The following HTR2A variants were observed in gnomAD, a reference collection of about 807,000 sequenced individuals.
The protein encoded by HTR2A is 5-HT2 receptor.
HTR2A carries 14 observed loss-of-function variants against 31.0 expected under a neutral mutation model. The observed-to-expected ratio is 0.45, with a 90% CI of 0.30 to 0.71. The LOEUF (loss-of-function observed/expected upper bound fraction) is 0.71. HTR2A is among the 30% of genes least tolerant of loss of function. The pLI, the probability that HTR2A is intolerant of heterozygous loss-of-function variation, is 0.09. For missense variants in HTR2A, 442 were observed against 573.3 expected, an observed-to-expected ratio of 0.77 and a Z score of 2.34; for synonymous variants, 209 against 225.2, an observed-to-expected ratio of 0.93 and a Z score of 0.64.
At chr13:46,889,629 A>G (rs886940576) in intron 3 of HTR2A, among the ~76,000 whole-genome samples, 1 of 152,222 alleles carries the variant, frequency 6.6e-6, no homozygotes, top group African/African-American at 2.4e-5. Context: ...AATAGCTTGA[A>G]GAGAAAATAT....
In HTR2A at chr13:46,884,395, G is replaced by A. The variant is rs141756753; in HGVS notation, c.613+7995C>T. Among the ~76,000 whole-genome samples the A allele has an allele frequency of 1.0e-3, 158 of 152,318 alleles. 1 individual carries two copies. The highest frequency in any genetic ancestry group is 2.1e-3 in the Non-Finnish European group (144 of 68,024). ...ATTTTTAAGATCTTCAAAATATTCT[G>A]CAATTTAGAGAAAAGTGAGATATCT... On this transcript the variant is annotated intron_variant, in intron 3 of 3. Transcript: ENST00000542664.
At chr13:46,859,556 C>A (rs1950764882) in intron 3 of HTR2A, among the ~76,000 whole-genome samples, 1 of 151,894 alleles carries the variant, frequency 6.6e-6, no homozygotes, top group Non-Finnish European at 1.5e-5. Flanking sequence ...GATGGTTTAC[C>A]ACCATCCCCC....
intron 3 of HTR2A, among the ~76,000 whole-genome samples, chr13:46,871,657 CAT>C (rs1304776370): frequency 1.3e-5 from 2 of 152,204 alleles, no homozygotes; most frequent in African/African-American, 2.4e-5. Flanking sequence ...CACACAGAGA[CAT>C]GAGTTGCAGA....
intron 3 of HTR2A, among the ~76,000 whole-genome samples, chr13:46,876,591 T>A (rs996678013): frequency 6.6e-5 from 10 of 151,458 alleles, no homozygotes; most frequent in East Asian, 1.9e-4. Context: ...CTTTTTTTTT[T>A]ATTTTTAGTA....
chr13:46,891,171 C>T (rs549900354), intron 3 of HTR2A, among the ~76,000 whole-genome samples: 99 of 152,272 alleles, frequency 6.5e-4, no homozygotes, highest in African/African-American at 2.3e-3. Flanking sequence ...AAATAAGCAC[C>T]ATAGAATCTT....
chr13:46,839,011 C>T (rs190987998), intron 3 of HTR2A, among the ~76,000 whole-genome samples: 1 of 150,910 alleles, frequency 6.6e-6, no homozygotes, highest in East Asian at 2.0e-4. Context: ...CACACACACC[C>T]TTACAGAATA....
chr13:46,869,410 A>G (rs908287036), intron 3 of HTR2A, among the ~76,000 whole-genome samples: 8 of 152,168 alleles, frequency 5.3e-5, no homozygotes, highest in Non-Finnish European at 1.2e-4. Flanking sequence ...TATGATGGCT[A>G]TAACAAACAC....
At position 46,835,431 on chromosome 13, in the gene HTR2A, T is replaced by C. The variant is rs1876415979; in HGVS notation, c.822A>G (p.Thr274=). Residue 274 remains threonine (T), a synonymous_variant, in exon 4 of 4, where the codon ACA becomes ACG. Coordinates refer to ENST00000542664, the MANE Select transcript of HTR2A (RefSeq NM_000621.5). ...AGCTGAAAGAAGCTAATTTGGCCCG[T>C]GTGCCAAGATCACTTACACACAAAG... is the stretch of plus-strand genomic sequence containing the variant. ...EATLCVSDLG[T]RAKLASFSFL... The C allele has an allele frequency of 8.1e-6, 13 of 1,614,080 alleles. No individual in the cohort carries two copies. The highest frequency in any genetic ancestry group is 1.1e-5 in the Non-Finnish European group (13 of 1,179,980).
intron 3 of HTR2A, among the ~76,000 whole-genome samples, chr13:46,882,913 G>T (rs773979996): frequency 5.7e-4 from 87 of 152,078 alleles, no homozygotes; most frequent in Non-Finnish European, 1.2e-3. Context: ...CATAATGTAG[G>T]TTCTGTTACC....
At chr13:46,876,801 G>GT (rs1180657212) in intron 3 of HTR2A, among the ~76,000 whole-genome samples, 1 of 152,028 alleles carries the variant, frequency 6.6e-6, no homozygotes, top group East Asian at 1.9e-4. Context: ...AATCCTCACT[G>GT]TGTCCCCCAC....
At chr13:46,869,027 A>T (rs986984453) in intron 3 of HTR2A, among the ~76,000 whole-genome samples, 9 of 152,106 alleles carry the variant, frequency 5.9e-5, no homozygotes, top group African/African-American at 1.9e-4. Context: ...GAGAAATACA[A>T]AGTGATTGAA....
In HTR2A at chr13:46,832,801, T is replaced by C. The variant is rs1008217560; in HGVS notation, c.*2036A>G. On this transcript the variant is annotated 3_prime_UTR_variant, in exon 4 of 4. Coordinates refer to ENST00000542664, the MANE Select transcript of HTR2A (RefSeq NM_000621.5). ...AATGACACTTCCCACATTCTTTAGT[T>C]TTCAAATCTGTATTTTTTTCCCAAA... 2 of 152,186 alleles carry C rather than the reference T, an allele frequency of 1.3e-5. No homozygotes were observed. Among genetic ancestry groups the C allele is most frequent in the Non-Finnish European group, 2.9e-5 (2 of 68,018 alleles). The allele number at this position is 152,186 out of a possible 1,614,324, so 9.4% of individuals were successfully genotyped here.
chr13:46,841,370 A>G (rs1349221533), intron 3 of HTR2A, among the ~76,000 whole-genome samples: 3 of 152,170 alleles, frequency 2.0e-5, no homozygotes, highest in African/African-American at 4.8e-5. Flanking sequence ...CTAGCCAGAC[A>G]TTAAATTCAT....
At chr13:46,837,013 G>T (rs1950565880) in intron 3 of HTR2A, among the ~76,000 whole-genome samples, 1 of 152,144 alleles carries the variant, frequency 6.6e-6, no homozygotes, top group African/African-American at 2.4e-5. Flanking sequence ...GGTATAGGAT[G>T]AGATAATACA....
intron 3 of HTR2A, among the ~76,000 whole-genome samples, chr13:46,886,554 G>A (rs963941919): frequency 1.3e-5 from 2 of 152,136 alleles, no homozygotes; most frequent in Non-Finnish European, 2.9e-5. Flanking sequence ...ATGAAAAGGT[G>A]AGAAAATAGC....
chr13:46,862,685 G>T (rs573037136), intron 3 of HTR2A, among the ~76,000 whole-genome samples: 34 of 152,294 alleles, frequency 2.2e-4, no homozygotes, highest in African/African-American at 7.9e-4. Context: ...CTTATGTTGG[G>T]TCAGGTAACT....
At chr13:46,836,302 A>G (rs1386148304) in intron 3 of HTR2A, among the ~76,000 whole-genome samples, 1 of 152,100 alleles carries the variant, frequency 6.6e-6, no homozygotes, top group Non-Finnish European at 1.5e-5. Context: ...AAATGTAACA[A>G]TGAATAAAGA....
chr13:46,855,241 T>C (rs1311243124), intron 3 of HTR2A, among the ~76,000 whole-genome samples: 1 of 152,174 alleles, frequency 6.6e-6, no homozygotes, highest in Non-Finnish European at 1.5e-5. Flanking sequence ...AGGAAACCAG[T>C]ACACCCCCTT....
Position 46,854,909 on chromosome 13 carries a change from G to T in HTR2A, c.614-19270C>A, listed in dbSNP as rs568081768. Among the ~76,000 whole-genome samples, 5 of 152,240 alleles carry T rather than the reference G, an allele frequency of 3.3e-5. No individual in the cohort carries two copies. In the South Asian group the frequency reaches 1.0e-3, roughly 32 times the overall value. ...GATGATCAAGTTAAGGTTAAGTAAG[G>T]TCATTAGGGTGGGCCCTAATCCACT... On this transcript the variant is annotated intron_variant, in intron 3 of 3. Coordinates refer to ENST00000542664, the MANE Select transcript of HTR2A (RefSeq NM_000621.5).
Sources: allele counts gnomAD v4.1 joint callset (sites outside exome capture counted in the v4.1 genomes callset), GRCh38; gene constraint gnomAD v4.1.1; transcripts MANE v1.5; gene names NCBI Gene and HGNC (gene_info 2026-07-23, HGNC 2026-07-21).